Variants in AMOTL1 observed in about 807,000 individuals in gnomAD.
AMOTL1 encodes angiomotin-like protein 1.
In AMOTL1, 45 loss-of-function variants were observed where a neutral mutation model predicts 102.9. The ratio of observed to expected loss-of-function variants is 0.44; its 90% confidence interval spans 0.34 to 0.56. The LOEUF is 0.56. Ranked by LOEUF, AMOTL1 falls within the 20% of genes least tolerant of loss-of-function variation. The probability of loss-of-function intolerance (pLI) is 0.01; values close to 1 mark genes in which losing one functional copy is unlikely to be tolerated. For missense variants in AMOTL1, 1,114 were observed against 1,225.6 expected, an observed-to-expected ratio of 0.91 and a Z score of 1.36; for synonymous variants, 481 against 484.7, an observed-to-expected ratio of 0.99 and a Z score of 0.10.
At chr11:94,825,605 G>A (rs1951948056) in intron 4 of AMOTL1, among the ~76,000 whole-genome samples, 1 of 152,190 alleles carries the variant, frequency 6.6e-6, no homozygotes, top group Admixed American at 6.5e-5. Context: ...TGAGAGCTGG[G>A]AAGGTAAACT....
At position 94,870,768 on chromosome 11, in the gene AMOTL1, T is replaced by G. The variant is rs1416021903; in HGVS notation, c.2844T>G (p.Asp948Glu). 1 of 1,600,882 alleles carries G rather than the reference T, an allele frequency of 6.2e-7. No individual in the cohort carries two copies. The highest frequency in any genetic ancestry group is 1.1e-5 in the South Asian group (1 of 88,360). The change falls in exon 13 of 13, where the codon GAT becomes GAG. Residue 948 changes from aspartate (D) to glutamate (E), a missense_variant. Physicochemically the swap from Asp to Glu is conservative, Grantham distance 45 (BLOSUM62 2). Transcript: ENST00000433060. ...TGCTGCACAAGCCCGAGTTCCCTGA[T>G]GGAGAGATGATGGAAGTCCTCATCT... is the stretch of plus-strand genomic sequence containing the variant. ...SSLLHKPEFPDGEMMEVLI is the reference protein window; with the variant it reads ...SSLLHKPEFPEGEMMEVLI
chr11:94,738,596 A>T lies in AMOTL1; in HGVS notation c.86-2342A>T, dbSNP rs184151409. ...TTCAATCATGTTTAGCTGGGTGTAG[A>T]TGGAAAGAAGGTGGAGAGTTATATT... On this transcript the variant is annotated intron_variant, in intron 2 of 4. Coordinates refer to the AMOTL1 transcript ENST00000299004. Among the ~76,000 whole-genome samples the T allele has an allele frequency of 8.9e-4, 135 of 152,288 alleles. 1 individual carries two copies. Among genetic ancestry groups the T allele is most frequent in the African/African-American group, 3.2e-3 (133 of 41,570 alleles).
chr11:94,707,013 GC>G (rs1315809760), intron 1 of AMOTL1, among the ~76,000 whole-genome samples: 1 of 152,042 alleles, frequency 6.6e-6, no homozygotes, highest in Non-Finnish European at 1.5e-5. Flanking sequence ...TCTCTGGAGA[GC>G]CTTGATTTGC....
Position 94,821,643 on chromosome 11 carries a change from C to T in AMOTL1, c.1235C>T (p.Pro412Leu), listed in dbSNP as rs752944891. 20 of 1,613,778 alleles carry T rather than the reference C, an allele frequency of 1.2e-5. No individual in the cohort carries two copies. The highest frequency in any genetic ancestry group is 1.1e-4 in the African/African-American group (8 of 74,942). ...LHSVSLPLPLPMALGAPQPPP... is the reference protein window; with the variant it reads ...LHSVSLPLPLLMALGAPQPPP... ...TCTGTCTCCCTGCCGCTTCCACTCC[C>T]GATGGCCCTGGGTGCTCCACAGCCC... The change falls in exon 4 of 13, where the codon CCG becomes CTG. Residue 412 changes from proline (P) to leucine (L), a missense_variant. Pro to Leu is a moderately conservative substitution (Grantham distance 98). Coordinates refer to ENST00000433060, the MANE Select transcript of AMOTL1 (RefSeq NM_130847.3).
chr11:94,822,195 C>T (rs1244940124), intron 4 of AMOTL1, among the ~76,000 whole-genome samples: 1 of 152,020 alleles, frequency 6.6e-6, no homozygotes. Context: ...TGCCTATAAT[C>T]CCAGCACTTT....
chr11:94,859,638 G>C lies in AMOTL1; in HGVS notation c.2058G>C (p.Lys686Asn). The change falls in exon 9 of 13, where the codon AAG becomes AAC. Residue 686 changes from lysine to asparagine, a missense_variant. Transcript: ENST00000433060. ...TGGCCCTGGAGGCCGACATGACAAAGTGGGAGCAGAAGTACCTGGAGGAGA... is the reference window on the plus strand; with the variant it reads ...TGGCCCTGGAGGCCGACATGACAAACTGGGAGCAGAAGTACCTGGAGGAGA... ...RILALEADMT[K>N]WEQKYLEEST... 6.2e-7 allele frequency: 1 copy of C among 1,613,678 alleles called. No individual in the cohort carries two copies. The highest frequency in any genetic ancestry group is 8.5e-7 in the Non-Finnish European group (1 of 1,179,738).
intron 1 of AMOTL1, among the ~76,000 whole-genome samples, chr11:94,708,928 G>A (rs1949975962): frequency 6.6e-6 from 1 of 152,280 alleles, no homozygotes; most frequent in East Asian, 1.9e-4. Flanking sequence ...CGGACAGAGT[G>A]TAAATAGATC....
chr11:94,775,849 C>T (rs1029381579), intron 1 of AMOTL1, among the ~76,000 whole-genome samples: 1 of 152,208 alleles, frequency 6.6e-6, no homozygotes, highest in Non-Finnish European at 1.5e-5. Context: ...GCTCTATTCA[C>T]TTGAACCCCA....
chr11:94,850,167 C>T lies in AMOTL1; in HGVS notation c.1702C>T (p.Arg568Trp), dbSNP rs759303351. ...ATTAGAAATGGAGTTAGCAGCAGTG[C>T]GGACTGCAAGTGAGGACCATCGGAG... ...EKLEMELAAV[R>W]TASEDHRRHI... Residue 568 changes from arginine (R) to tryptophan (W), a missense_variant, in exon 7 of 13, where the codon CGG becomes TGG. Transcript: ENST00000433060. 8.2e-6 allele frequency: 13 copies of T among 1,589,296 alleles called. No individual in the cohort carries two copies. The highest frequency in any genetic ancestry group is 1.3e-5 in the African/African-American group (1 of 74,512).
intron 3 of AMOTL1, among the ~76,000 whole-genome samples, chr11:94,811,936 A>G (rs768828103): frequency 2.2e-4 from 34 of 152,230 alleles, no homozygotes; most frequent in Non-Finnish European, 4.7e-4. Flanking sequence ...CTAAAACTCC[A>G]GAAAGGAGTT....
intron 2 of AMOTL1, 37 bp downstream of exon 2, chr11:94,795,197 A>T (rs1951345252): frequency 6.2e-7 from 1 of 1,609,192 alleles, no homozygotes; most frequent in Admixed American, 1.7e-5. Context: ...TGGAAAAGCA[A>T]AATGATCTTA....
Position 94,859,728 on chromosome 11 carries a change from G to T in AMOTL1, c.2135+13G>T. 1.9e-6 allele frequency: 3 copies of T among 1,589,652 alleles called. No individual in the cohort carries two copies. Among genetic ancestry groups the T allele is most frequent in the Non-Finnish European group, 1.7e-6 (2 of 1,166,104 alleles). On this transcript the variant is annotated intron_variant, in intron 9 of 12. Transcript: ENST00000433060. The stretch of plus-strand genomic sequence containing the variant: ...CAGCAGCTGAGAGGTGAGACCAGTG[G>T]AACTCTGGTGGTCATAAAAGCACAG...
intron 1 of AMOTL1, among the ~76,000 whole-genome samples, chr11:94,780,611 C>CG (rs1265705204): frequency 6.6e-6 from 1 of 152,152 alleles, no homozygotes; most frequent in Non-Finnish European, 1.5e-5. Context: ...GTGAACTTTA[C>CG]GGGGGTGATT....
At chr11:94,866,320 A>T (rs761143438) in intron 11 of AMOTL1, 152 bp downstream of exon 11, 1 of 730,582 alleles carries the variant, frequency 1.4e-6, no homozygotes, top group East Asian at 2.7e-5. Context: ...TACTTCAGTT[A>T]TAGATATGTG....
Position 94,864,599 on chromosome 11 carries a change from G to A in AMOTL1, c.2136-136G>A, listed in dbSNP as rs183224627. On this transcript the variant is annotated intron_variant, in intron 9 of 12. Coordinates refer to ENST00000433060, the MANE Select transcript of AMOTL1 (RefSeq NM_130847.3). Reference sequence around the variant, plus strand: ...GAGCTGGGGAAATTGGGAGGGAAAGGCTTCATGAGCCAATGCGAGATGCAG... The same window carrying A: ...GAGCTGGGGAAATTGGGAGGGAAAGACTTCATGAGCCAATGCGAGATGCAG... 16 of 1,226,008 alleles carry A rather than the reference G, an allele frequency of 1.3e-5. No individual in the cohort carries two copies. In the African/African-American group the frequency reaches 2.4e-4, roughly 19 times the overall value. The allele number at this position is 1,226,008 out of a possible 1,614,324, so 75.9% of individuals were successfully genotyped here.
intron 6 of AMOTL1, among the ~76,000 whole-genome samples, chr11:94,833,435 C>A (rs1198135656): frequency 6.6e-6 from 1 of 152,140 alleles, no homozygotes; most frequent in Non-Finnish European, 1.5e-5. Context: ...ATTAGCATGT[C>A]CCCCACATAT....
At chr11:94,869,574 G>C in intron 12 of AMOTL1, 101 bp downstream of exon 12, 1 of 1,346,272 alleles carries the variant, frequency 7.4e-7, no homozygotes, top group Non-Finnish European at 9.9e-7. Context: ...GCACCCATCA[G>C]CTCTTACTCT....
At position 94,722,981 on chromosome 11, in the gene AMOTL1, C is replaced by T. The variant is rs187440087; in HGVS notation, c.-50-5940C>T. Among the ~76,000 whole-genome samples the T allele has an allele frequency of 2.5e-3, 377 of 152,210 alleles. 4 individuals carry two copies. Among genetic ancestry groups the T allele is most frequent in the African/African-American group, 8.7e-3 (362 of 41,552 alleles). The stretch of plus-strand genomic sequence containing the variant: ...TATTTGTTTTCTTTTTTCTTTGCTC[C>T]TCAGTGTCCTTGGGCATTGTGCTGC... On this transcript the variant is annotated intron_variant, in intron 1 of 4. Transcript: ENST00000299004.
intron 3 of AMOTL1, chr11:94,820,365 CT>C (rs1951842467): frequency 6.6e-6 from 1 of 152,498 alleles, no homozygotes; most frequent in African/African-American, 2.4e-5. Flanking sequence ...AGCTCCTCCC[CT>C]GGCCTCTGTA....
Sources: allele counts gnomAD v4.1 joint callset (sites outside exome capture counted in the v4.1 genomes callset), GRCh38; gene constraint gnomAD v4.1.1; transcripts MANE v1.5; gene names NCBI Gene and HGNC (gene_info 2026-07-23, HGNC 2026-07-21).